The following GABRB3 variants were observed in gnomAD, a reference collection of about 807,000 sequenced individuals.
GABRB3 encodes gamma-aminobutyric acid receptor subunit beta-3.
Under a neutral mutation model 52.1 loss-of-function variants are expected in GABRB3, and 14 were observed. The observed-to-expected ratio is 0.27, with a 90% CI of 0.18 to 0.42. The LOEUF (loss-of-function observed/expected upper bound fraction) is 0.42, where lower values mean the gene tolerates loss of function less well. Ranked by LOEUF, GABRB3 falls within the 10% of genes least tolerant of loss-of-function variation. The pLI is 1.00. For synonymous variants in GABRB3, 260 were observed against 232.3 expected (o/e 1.12, Z -1.08); for missense variants, 307 against 609.1 (o/e 0.50, Z 5.22).
In GABRB3 at chr15:26,772,927, G is replaced by A. The variant is rs1049486764; in HGVS notation, c.36C>T (p.Ile12=). 4 of 1,493,602 alleles carry A rather than the reference G, an allele frequency of 2.7e-6. No homozygotes were observed. Among genetic ancestry groups the A allele is most frequent in the Non-Finnish European group, 2.7e-6 (3 of 1,120,042 alleles). The allele number at this position is 1,493,602 out of a possible 1,614,324, so 92.5% of individuals were successfully genotyped here. Residue 12 remains isoleucine (I), a synonymous_variant, in exon 1 of 9, where the codon ATC becomes ATT. Coordinates refer to ENST00000311550, the MANE Select transcript of GABRB3 (RefSeq NM_000814.6). ...CAGCCACCAGCACCGGGGCCGAGAA[G>A]ATGCCGAAAAGCCTTCCTCCCGCAA... is the stretch of plus-strand genomic sequence containing the variant. ...WGLAGGRLFG[I]FSAPVLVAVV...
At chr15:26,655,360 T>C (rs982205880) in intron 3 of GABRB3, among the ~76,000 whole-genome samples, 1 of 152,192 alleles carries the variant, frequency 6.6e-6, no homozygotes, top group Non-Finnish European at 1.5e-5. Context: ...AACACCTCCA[T>C]AGCCATAAAG....
chr15:26,771,434 T>C (rs1414713315), intron 3 of GABRB3, among the ~76,000 whole-genome samples: 1 of 152,218 alleles, frequency 6.6e-6, no homozygotes, highest in Non-Finnish European at 1.5e-5. Context: ...CATGTCTCAC[T>C]GTATTCTCAA....
chr15:26,765,214 G>A (rs1254072301), intron 3 of GABRB3, among the ~76,000 whole-genome samples: 1 of 151,106 alleles, frequency 6.6e-6, no homozygotes, highest in African/African-American at 2.4e-5. Flanking sequence ...CAAAACTTTC[G>A]GTGTACAAAG....
intron 4 of GABRB3, among the ~76,000 whole-genome samples, chr15:26,609,664 A>C (rs191745730): frequency 6.6e-6 from 1 of 152,258 alleles, no homozygotes; most frequent in African/African-American, 2.4e-5. Context: ...TATTATTTTT[A>C]AAAAATCTGT....
intron 3 of GABRB3, among the ~76,000 whole-genome samples, chr15:26,626,624 T>C (rs569798715): frequency 1.1e-4 from 17 of 152,318 alleles, no homozygotes; most frequent in Middle Eastern, 3.4e-3. Context: ...TGATAGAATA[T>C]CAAACCAGCC....
intron 4 of GABRB3, among the ~76,000 whole-genome samples, chr15:26,603,660 G>A (rs1464925894): frequency 6.6e-6 from 1 of 152,026 alleles, no homozygotes; most frequent in Admixed American, 6.5e-5. Context: ...TCAACAGAAT[G>A]AAGGACAAAA....
At chr15:26,715,136 A>T (rs1317253270) in intron 3 of GABRB3, among the ~76,000 whole-genome samples, 2 of 152,180 alleles carry the variant, frequency 1.3e-5, no homozygotes, top group Non-Finnish European at 2.9e-5. Flanking sequence ...TTGAAGCAGG[A>T]GGCAGGTGTG....
intron 3 of GABRB3, among the ~76,000 whole-genome samples, chr15:26,664,364 T>G (rs1184004270): frequency 2.0e-5 from 3 of 152,196 alleles, no homozygotes; most frequent in African/African-American, 7.2e-5. Context: ...GCCTATTGTA[T>G]TTATCACTCA....
At chr15:26,628,489 A>G (rs906193450) in intron 3 of GABRB3, among the ~76,000 whole-genome samples, 1 of 152,214 alleles carries the variant, frequency 6.6e-6, no homozygotes, top group Non-Finnish European at 1.5e-5. Flanking sequence ...CAGAAAAAGA[A>G]GCCACTTCTG....
At position 26,772,978 on chromosome 15, in the gene GABRB3, C is replaced by G; in HGVS notation, c.-16G>C. ...GGCCCCACATCCCTCCGCCGCGCCCCGGCACGGGGGAGGGGGCGCCCCGCC... is the reference window on the plus strand; with the variant it reads ...GGCCCCACATCCCTCCGCCGCGCCCGGGCACGGGGGAGGGGGCGCCCCGCC... On this transcript the variant is annotated 5_prime_UTR_variant, in exon 1 of 9. Coordinates refer to ENST00000311550, the MANE Select transcript of GABRB3 (RefSeq NM_000814.6). The G allele has an allele frequency of 7.1e-7, 1 of 1,402,296 alleles. No individual in the cohort carries two copies. Among genetic ancestry groups the G allele is most frequent in the Non-Finnish European group, 9.4e-7 (1 of 1,069,452 alleles). 86.9% of individuals were successfully genotyped at this position (1,402,296 alleles called of 1,614,324 possible).
intron 3 of GABRB3, among the ~76,000 whole-genome samples, chr15:26,657,571 A>G (rs536733163): frequency 2.0e-5 from 3 of 152,300 alleles, no homozygotes; most frequent in African/African-American, 4.8e-5. Context: ...AATGCATGGT[A>G]TGTCTCAGAC....
chr15:26,773,389 G>C (rs1407656502), upstream of GABRB3, among the ~76,000 whole-genome samples: 1 of 150,948 alleles, frequency 6.6e-6, no homozygotes, highest in Non-Finnish European at 1.5e-5. Context: ...AGGGGCGGGG[G>C]GTCGTCCCCT....
At chr15:26,716,611 T>TA in intron 3 of GABRB3, 2 of 991,404 alleles carry the variant, frequency 2.0e-6, no homozygotes, top group Non-Finnish European at 2.4e-6. Context: ...CCCACTTACT[T>TA]ACATCTCCTT....
At chr15:26,661,154 T>C (rs908834953) in intron 3 of GABRB3, among the ~76,000 whole-genome samples, 2 of 152,118 alleles carry the variant, frequency 1.3e-5, no homozygotes, top group Admixed American at 1.3e-4. Flanking sequence ...ACAGGCAAAT[T>C]GAGTAGTTTG....
intron 3 of GABRB3, 158 bp downstream of exon 3, chr15:26,772,244 G>A: frequency 1.7e-6 from 1 of 603,634 alleles, no homozygotes; most frequent in Non-Finnish European, 2.8e-6. Context: ...CAGGGAGCCG[G>A]GCAAGCGAGG....
intron 3 of GABRB3, among the ~76,000 whole-genome samples, chr15:26,650,698 G>T (rs1887169508): frequency 6.6e-6 from 1 of 151,892 alleles, no homozygotes; most frequent in Non-Finnish European, 1.5e-5. Flanking sequence ...TTCCTAATTG[G>T]TTTTCTACAC....
Position 26,772,678 on chromosome 15 carries a change from T to C in GABRB3, c.172+3A>G, listed in dbSNP as rs1384760698. The C allele has an allele frequency of 1.3e-6, 2 of 1,566,788 alleles. No individual in the cohort carries two copies. Among genetic ancestry groups the C allele is most frequent in the Admixed American group, 1.8e-5 (1 of 55,730 alleles). On this transcript the variant is annotated splice_donor_region_variant and intron_variant, in intron 2 of 8. Transcript: ENST00000311550. ...CCGCAACGGCCGCGCGCAGCCCACTTACCCCCGAAGTCGGGTCTTAGGCGA... is the reference window on the plus strand; with the variant it reads ...CCGCAACGGCCGCGCGCAGCCCACTCACCCCCGAAGTCGGGTCTTAGGCGA...
At chr15:26,591,913 CCT>C (rs1356487767) in intron 4 of GABRB3, among the ~76,000 whole-genome samples, 2 of 152,166 alleles carry the variant, frequency 1.3e-5, no homozygotes, top group African/African-American at 4.8e-5. Flanking sequence ...GCTCAACAGC[CCT>C]CTGTGACTGG....
chr15:26,737,581 T>C (rs796888035), intron 3 of GABRB3, among the ~76,000 whole-genome samples: 5 of 152,218 alleles, frequency 3.3e-5, no homozygotes, highest in African/African-American at 1.2e-4. Context: ...TCCTGTAATC[T>C]ATCCAGGTGG....
Sources: allele counts gnomAD v4.1 joint callset (sites outside exome capture counted in the v4.1 genomes callset), GRCh38; gene constraint gnomAD v4.1.1; transcripts MANE v1.5; gene names NCBI Gene and HGNC (gene_info 2026-07-23, HGNC 2026-07-21).